The following COP1 variants were observed in gnomAD, a reference collection of about 807,000 sequenced individuals.
COP1 encodes the protein COP1 E3 ubiquitin ligase.
COP1 carries 24 observed loss-of-function variants against 101.3 expected under a neutral mutation model. The ratio of observed to expected loss-of-function variants is 0.24; its 90% CI spans 0.17 to 0.33. COP1 has a LOEUF of 0.33. Ranked by LOEUF, COP1 falls within the 10% of genes least tolerant of loss-of-function variation. The pLI is 1.00. For synonymous variants in COP1, 347 were observed against 341.9 expected, an observed-to-expected ratio of 1.01 and a Z score of -0.17; for missense variants, 663 against 906.2, an observed-to-expected ratio of 0.73 and a Z score of 3.45.
chr1:176,147,171 C>G (rs567707834), intron 6 of COP1, among the ~76,000 whole-genome samples: 2 of 152,084 alleles, frequency 1.3e-5, no homozygotes, highest in African/African-American at 4.8e-5. Context: ...ATTACAGGTC[C>G]TAAGACCTGT....
intron 11 of COP1, among the ~76,000 whole-genome samples, chr1:176,059,391 T>A (rs76935385): frequency 0.017 from 2,581 of 152,330 alleles, 70 homozygotes; most frequent in African/African-American, 0.058. Flanking sequence ...CAAATTAAAA[T>A]CATCTTATTT....
rs148757990 is a variant in COP1 at position 176,109,663 on chromosome 1, T to A, written c.1026+6961A>T. Among the ~76,000 whole-genome samples, 72 of 152,316 alleles carry A rather than the reference T, an allele frequency of 4.7e-4. 2 individuals are homozygous for A. The East Asian group carries it at 0.012, about 26-fold the overall frequency. On this transcript the variant is annotated intron_variant, in intron 9 of 19. Coordinates refer to ENST00000367669, the MANE Select transcript of COP1 (RefSeq NM_022457.7). Reference sequence around the variant, plus strand: ...ATTAGTAATTATGGTTACTGGTCTATCCCAATTGTCCTAAAATTAATCTGA... The same window carrying A: ...ATTAGTAATTATGGTTACTGGTCTAACCCAATTGTCCTAAAATTAATCTGA...
intron 5 of COP1, chr1:176,160,191 A>G (rs1694084451): frequency 3.1e-6 from 1 of 321,160 alleles, no homozygotes; most frequent in Admixed American, 4.0e-5. Context: ...AGGTAGGAAG[A>G]AGGTTACCAG....
intron 1 of COP1, among the ~76,000 whole-genome samples, chr1:176,184,993 G>A (rs1195268695): frequency 6.6e-6 from 1 of 151,994 alleles, no homozygotes; most frequent in Admixed American, 6.6e-5. Context: ...GTACAATGCA[G>A]TCACCAGAGC....
intron 11 of COP1, among the ~76,000 whole-genome samples, chr1:176,056,042 C>A (rs1470296565): frequency 6.6e-6 from 1 of 152,066 alleles, no homozygotes; most frequent in African/African-American, 2.4e-5. Context: ...TTTCATCATA[C>A]TGGTTTGATT....
At chr1:176,148,078 C>CA (rs932853050) in intron 6 of COP1, among the ~76,000 whole-genome samples, 96 of 145,128 alleles carry the variant, frequency 6.6e-4, no homozygotes, top group East Asian at 6.4e-3. Flanking sequence ...TTTCCTACCA[C>CA]AAAAAAAAAA....
chr1:175,977,743 T>A (rs967770684), intron 18 of COP1, among the ~76,000 whole-genome samples: 1 of 152,138 alleles, frequency 6.6e-6, no homozygotes, highest in Non-Finnish European at 1.5e-5. Flanking sequence ...GCAACTGCCA[T>A]CCATTTTCTA....
intron 5 of COP1, among the ~76,000 whole-genome samples, chr1:176,158,528 A>T (rs1346707726): frequency 3.9e-5 from 6 of 152,030 alleles, no homozygotes; most frequent in African/African-American, 1.4e-4. Context: ...AATTAATAAC[A>T]ACGTATTGTG....
intron 11 of COP1, among the ~76,000 whole-genome samples, chr1:176,046,953 A>C (rs1671622908): frequency 6.6e-6 from 1 of 152,070 alleles, no homozygotes; most frequent in Admixed American, 6.5e-5. Context: ...AGGTTAAATA[A>C]ATAAATAAAT....
intron 15 of COP1, among the ~76,000 whole-genome samples, chr1:176,006,791 T>A (rs2148914386): frequency 6.6e-6 from 1 of 152,248 alleles, no homozygotes; most frequent in Admixed American, 6.5e-5. Context: ...ATTTTTTCCT[T>A]CATTTCAACT....
At chr1:175,993,024 C>T (rs1308810632) in intron 15 of COP1, among the ~76,000 whole-genome samples, 2 of 151,610 alleles carry the variant, frequency 1.3e-5, no homozygotes, top group Admixed American at 6.6e-5. Context: ...CTCACACCGC[C>T]GGGTACTCCT....
intron 1 of COP1, 40 bp downstream of exon 1, chr1:176,206,532 C>T (rs1426948496): frequency 1.3e-6 from 2 of 1,590,390 alleles, no homozygotes; most frequent in African/African-American, 1.3e-5. Context: ...GGCAGAAACT[C>T]ATAATTTAGG....
intron 15 of COP1, among the ~76,000 whole-genome samples, chr1:176,019,476 A>G (rs1360468375): frequency 3.2e-5 from 4 of 123,114 alleles, no homozygotes; most frequent in Non-Finnish European, 7.1e-5. Flanking sequence ...TAATAATAAT[A>G]ATAATAATAA....
At chr1:176,049,818 A>G (rs1341216648) in intron 11 of COP1, among the ~76,000 whole-genome samples, 1 of 152,194 alleles carries the variant, frequency 6.6e-6, no homozygotes, top group African/African-American at 2.4e-5. Context: ...TTATATTAAC[A>G]GTATGATATT....
intron 15 of COP1, among the ~76,000 whole-genome samples, chr1:176,000,506 G>A (rs1478510021): frequency 6.6e-6 from 1 of 151,922 alleles, no homozygotes; most frequent in Admixed American, 6.6e-5. Context: ...AGTTATAATG[G>A]CTATGACAAC....
chr1:176,175,070 T>TA (rs1696724665), intron 3 of COP1, among the ~76,000 whole-genome samples: 1 of 152,190 alleles, frequency 6.6e-6, no homozygotes, highest in African/African-American at 2.4e-5. Context: ...CTCCATGTAT[T>TA]CCTTCCCAAG....
chr1:176,194,748 A>G (rs1699477183), intron 1 of COP1, among the ~76,000 whole-genome samples: 2 of 152,110 alleles, frequency 1.3e-5, no homozygotes, highest in African/African-American at 4.8e-5. Context: ...CATAATAGAC[A>G]TGAAGAATAA....
chr1:176,170,330 G>A (rs1417612792), intron 3 of COP1, among the ~76,000 whole-genome samples: 1 of 152,066 alleles, frequency 6.6e-6, no homozygotes, highest in Non-Finnish European at 1.5e-5. Flanking sequence ...GATCTCAGAG[G>A]ACTCATTATC....
chr1:175,956,498 A>T (rs1256247647), intron 18 of COP1, among the ~76,000 whole-genome samples: 2 of 152,162 alleles, frequency 1.3e-5, no homozygotes, highest in East Asian at 3.8e-4. Flanking sequence ...ATAAAGGAAA[A>T]AAAAAACCCT....
Sources: allele counts gnomAD v4.1 joint callset (sites outside exome capture counted in the v4.1 genomes callset), GRCh38; gene constraint gnomAD v4.1.1; transcripts MANE v1.5; gene names NCBI Gene and HGNC (gene_info 2026-07-23, HGNC 2026-07-21).